The following CMTM7 variants were observed in gnomAD, a reference collection of about 807,000 sequenced individuals.
CMTM7 encodes the protein CKLF like MARVEL transmembrane domain containing 7.
CMTM7 carries 7 observed loss-of-function variants against 19.3 expected under a neutral mutation model. The observed-to-expected ratio is 0.36, with a 90% CI of 0.21 to 0.68. The LOEUF (loss-of-function observed/expected upper bound fraction) is 0.68. CMTM7 is among the 30% of genes least tolerant of loss of function. The pLI is 0.60. For synonymous variants in CMTM7, 87 were observed against 99.3 expected, an observed-to-expected ratio of 0.88 and a Z score of 0.74; for missense variants, 193 against 232.6, an observed-to-expected ratio of 0.83 and a Z score of 1.11.
At chr3:32,438,948 A>C (rs1347190491) in intron 1 of CMTM7, among the ~76,000 whole-genome samples, 3 of 152,172 alleles carry the variant, frequency 2.0e-5, no homozygotes, top group Non-Finnish European at 4.4e-5. Context: ...TCTACCTAGG[A>C]ATCACGCTGC....
At chr3:32,446,319 CTTT>C (rs1349954339) in intron 2 of CMTM7, among the ~76,000 whole-genome samples, 1 of 152,050 alleles carries the variant, frequency 6.6e-6, no homozygotes, top group African/African-American at 2.4e-5. Flanking sequence ...TTCTTACATT[CTTT>C]TTATTTCTGT....
At chr3:32,410,769 G>C (rs573263301) in intron 1 of CMTM7, among the ~76,000 whole-genome samples, 1 of 152,240 alleles carries the variant, frequency 6.6e-6, no homozygotes, top group South Asian at 2.1e-4. Flanking sequence ...TTTTTCTTTA[G>C]TTGAGTTGAC....
At chr3:32,430,681 A>ATGTGTGTGTGTGTG (rs35054129) in intron 1 of CMTM7, among the ~76,000 whole-genome samples, 7,976 of 133,860 alleles carry the variant, frequency 0.06, 362 homozygotes, top group Admixed American at 0.11. Flanking sequence ...CTACATCTGA[A>ATGTGTGTGTGTGTG]TGTGTGTGTG....
At chr3:32,423,329 C>T (rs1321304370) in intron 1 of CMTM7, among the ~76,000 whole-genome samples, 1 of 152,174 alleles carries the variant, frequency 6.6e-6, no homozygotes, top group Non-Finnish European at 1.5e-5. Flanking sequence ...GAAGAGTGGC[C>T]ACATTTCATT....
intron 1 of CMTM7, among the ~76,000 whole-genome samples, chr3:32,394,105 T>C (rs952331830): frequency 2.0e-5 from 3 of 152,360 alleles, no homozygotes; most frequent in East Asian, 1.9e-4. Flanking sequence ...TCAGACCCTC[T>C]GGGAGCAAAG....
At chr3:32,416,377 T>A (rs1248892517) in intron 1 of CMTM7, among the ~76,000 whole-genome samples, 5 of 94,200 alleles carry the variant, frequency 5.3e-5, no homozygotes, top group African/African-American at 2.2e-4. Context: ...TTTTTTTTTT[T>A]TTTTTTTTTT....
chr3:32,406,354 G>A (rs1350537122), intron 1 of CMTM7, among the ~76,000 whole-genome samples: 2 of 152,156 alleles, frequency 1.3e-5, no homozygotes, highest in Non-Finnish European at 2.9e-5. Context: ...AATATGAGAA[G>A]GAGCAACTCC....
chr3:32,427,540 T>C (rs1696451621), intron 1 of CMTM7, among the ~76,000 whole-genome samples: 2 of 152,200 alleles, frequency 1.3e-5, no homozygotes, highest in Non-Finnish European at 2.9e-5. Context: ...GAGGGCTATA[T>C]AGATTTAGAT....
chr3:32,395,559 T>C (rs1316127683), intron 1 of CMTM7, among the ~76,000 whole-genome samples: 1 of 152,194 alleles, frequency 6.6e-6, no homozygotes, highest in African/African-American at 2.4e-5. Flanking sequence ...TTGTTGCTTG[T>C]TAATAGTTCT....
chr3:32,446,456 T>C (rs916561045), intron 2 of CMTM7, among the ~76,000 whole-genome samples: 4 of 152,172 alleles, frequency 2.6e-5, no homozygotes, highest in Admixed American at 6.6e-5. Flanking sequence ...GTTTCATTGA[T>C]TTTTTTATTG....
intron 1 of CMTM7, among the ~76,000 whole-genome samples, chr3:32,432,254 G>A (rs539295150): frequency 1.3e-5 from 2 of 152,284 alleles, no homozygotes; most frequent in Admixed American, 6.5e-5. Context: ...GGTACCTAGC[G>A]GGTATTCAGT....
At chr3:32,452,024 ACC>A in intron 3 of CMTM7, 1 of 1,241,426 alleles carries the variant, frequency 8.1e-7, no homozygotes, top group Non-Finnish European at 1.1e-6. Context: ...GATTTTTTTA[ACC>A]CAAATTAAAA....
chr3:32,451,939 G>A, intron 3 of CMTM7: 1 of 566,972 alleles, frequency 1.8e-6, no homozygotes. Flanking sequence ...CGGCTATGAA[G>A]CCAGAATGGA....
chr3:32,409,406 G>A (rs1477360106), intron 1 of CMTM7, among the ~76,000 whole-genome samples: 3 of 152,090 alleles, frequency 2.0e-5, no homozygotes, highest in Admixed American at 6.5e-5. Context: ...CATGCATTTT[G>A]TAAGAAGAAA....
At chr3:32,398,300 T>G (rs1308425369) in intron 1 of CMTM7, among the ~76,000 whole-genome samples, 1 of 152,324 alleles carries the variant, frequency 6.6e-6, no homozygotes, top group African/African-American at 2.4e-5. Context: ...GACGTTTACA[T>G]AACCATAACA....
chr3:32,444,901 C>T (rs1488417864), intron 2 of CMTM7, among the ~76,000 whole-genome samples: 1 of 152,180 alleles, frequency 6.6e-6, no homozygotes, highest in African/African-American at 2.4e-5. Context: ...CAGGCATGAG[C>T]CACTGTGCCT....
At chr3:32,406,405 A>G (rs1436300233) in intron 1 of CMTM7, among the ~76,000 whole-genome samples, 1 of 152,170 alleles carries the variant, frequency 6.6e-6, no homozygotes, top group African/African-American at 2.4e-5. Flanking sequence ...ATGCTTTTCA[A>G]CATTTTTGCA....
intron 1 of CMTM7, among the ~76,000 whole-genome samples, chr3:32,430,237 G>A (rs1376992996): frequency 6.6e-6 from 1 of 152,092 alleles, no homozygotes; most frequent in Non-Finnish European, 1.5e-5. Flanking sequence ...CTCCCATATT[G>A]TTGTGAAGCA....
At chr3:32,419,203 T>C (rs1277493403) in intron 1 of CMTM7, among the ~76,000 whole-genome samples, 1 of 152,266 alleles carries the variant, frequency 6.6e-6, no homozygotes, top group African/African-American at 2.4e-5. Context: ...TGCTAAGATA[T>C]TGAAATGCAG....
Sources: gnomAD v4.1 joint callset for allele counts (sites outside exome capture counted in the v4.1 genomes callset) on GRCh38, gnomAD v4.1.1 for gene constraint, MANE v1.5 for transcripts, NCBI Gene and HGNC (gene_info 2026-07-23, HGNC 2026-07-21) for gene names.